Variants in USP11 observed in about 807,000 individuals in gnomAD.
USP11 encodes ubiquitin carboxyl-terminal hydrolase 11.
USP11 carries 5 observed loss-of-function variants against 72.8 expected under a neutral mutation model. The ratio of observed to expected loss-of-function variants is 0.07; its 90% CI spans 0.04 to 0.14. The LOEUF (loss-of-function observed/expected upper bound fraction) is 0.14, where lower values mean the gene tolerates loss of function less well. Ranked by LOEUF, USP11 falls within the 10% of genes least tolerant of loss-of-function variation. USP11 has a pLI of 1.00. For missense variants in USP11, 480 were observed against 794.7 expected (o/e 0.60, Z 4.76); for synonymous variants, 368 against 326.5 (o/e 1.13, Z -1.37).
intron 7 of USP11, 49 bp downstream of exon 7, chrX:47,240,925 A>G: frequency 3.5e-6 from 4 of 1,126,982 alleles, no homozygotes; most frequent in African/African-American, 1.8e-5. Flanking sequence ...TTGGGCTTCA[A>G]GAGCTGAGGA....
intron 1 of USP11, among the ~76,000 whole-genome samples, chrX:47,235,549 A>G (rs1418587370): frequency 1.8e-5 from 2 of 110,530 alleles, no homozygotes; most frequent in African/African-American, 3.3e-5. Context: ...GCAAGCCTTT[A>G]TGAAGCTGGT....
At chrX:47,238,796 C>T (rs2055387976) in intron 1 of USP11, among the ~76,000 whole-genome samples, 2 of 111,489 alleles carry the variant, frequency 1.8e-5, no homozygotes, top group Non-Finnish European at 3.8e-5. Flanking sequence ...TGTTTCCTAG[C>T]ACTATAAGTA....
chrX:47,233,294 C>G, intron 1 of USP11, 75 bp downstream of exon 1: 2 of 754,531 alleles, frequency 2.7e-6, no homozygotes, highest in Non-Finnish European at 3.1e-6. Context: ...ATTCGGCGGC[C>G]GAGGGCCGCG....
chrX:47,244,872 G>C lies in USP11; in HGVS notation c.2034G>C (p.Thr678=), dbSNP rs762951783. The C allele has an allele frequency of 3.3e-6, 4 of 1,211,845 alleles. No homozygotes were observed. The highest frequency in any genetic ancestry group is 4.5e-6 in the Non-Finnish European group (4 of 895,515). ...GCAAGCAGCTGTTCACCCTGCAGAC[G>C]GTGAACTCCAATGGGACCAGCGACC... ...RRRKQLFTLQ[T]VNSNGTSDRT... Residue 678 remains threonine, a synonymous_variant, in exon 15 of 21, where the codon ACG becomes ACC. Coordinates refer to ENST00000377107, the MANE Select transcript of USP11 (RefSeq NM_001371072.1).
At chrX:47,236,232 A>C (rs1405875516) in intron 1 of USP11, among the ~76,000 whole-genome samples, 2 of 112,304 alleles carry the variant, frequency 1.8e-5, no homozygotes, top group Admixed American at 1.9e-4. Flanking sequence ...TGTCATGGGT[A>C]TTATCATGAA....
At chrX:47,241,946 C>A in intron 9 of USP11, 136 bp from the exon 10 acceptor site, 1 of 759,445 alleles carries the variant, frequency 1.3e-6, no homozygotes, top group Non-Finnish European at 1.9e-6. Flanking sequence ...AACATAGTCT[C>A]TGTGTATCCC....
intron 13 of USP11, 21 bp from the exon 14 acceptor site, chrX:47,244,477 G>C (rs2055421242): frequency 8.3e-7 from 1 of 1,209,959 alleles, no homozygotes; most frequent in Non-Finnish European, 1.1e-6. Flanking sequence ...CGTCTTGGGA[G>C]TCTCCTCTGC....
At position 47,243,391 on chromosome X, in the gene USP11, C is replaced by G. The variant is rs746832469; in HGVS notation, c.1584-5C>G. ...TCAGGTGTGCCTGCTGTCCACCCCCCACAGCTATGAGGTGTCAGGTCGCAT... is the reference window on the plus strand; with the variant it reads ...TCAGGTGTGCCTGCTGTCCACCCCCGACAGCTATGAGGTGTCAGGTCGCAT... On this transcript the variant is annotated splice_polypyrimidine_tract_variant and splice_region_variant and intron_variant, in intron 12 of 20. Coordinates refer to ENST00000377107, the MANE Select transcript of USP11 (RefSeq NM_001371072.1). 6 of 1,211,968 alleles carry G rather than the reference C, an allele frequency of 5.0e-6. No individual in the cohort carries two copies. The highest frequency in any genetic ancestry group is 2.2e-5 in the Admixed American group (1 of 46,101).
In USP11 at chrX:47,247,311, G is replaced by A; in HGVS notation, c.2428G>A (p.Asp810Asn). 2.5e-6 allele frequency: 3 copies of A among 1,211,333 alleles called. No homozygotes were observed. The highest frequency in any genetic ancestry group is 3.4e-6 in the Non-Finnish European group (3 of 895,332). Residue 810 changes from aspartate to asparagine, a missense_variant, in exon 19 of 21, where the codon GAC becomes AAC. Coordinates refer to ENST00000377107, the MANE Select transcript of USP11 (RefSeq NM_001371072.1). The part of the protein sequence containing the change: ...TLVEFPIRDL[D>N]FSEFVIQPQN... Reference sequence around the variant, plus strand: ...CCCTCTCCCCACCCACAGGGACCTGGACTTCTCTGAGTTTGTCATCCAGCC... The same window carrying A: ...CCCTCTCCCCACCCACAGGGACCTGAACTTCTCTGAGTTTGTCATCCAGCC...
intron 1 of USP11, among the ~76,000 whole-genome samples, chrX:47,235,736 A>G (rs1038848701): frequency 9.0e-6 from 1 of 110,881 alleles, no homozygotes; most frequent in African/African-American, 3.3e-5. Context: ...CACCAGTGAA[A>G]TGTGTATCTC....
At chrX:47,244,588 T>C in intron 14 of USP11, 38 bp downstream of exon 14, 3 of 1,208,190 alleles carry the variant, frequency 2.5e-6, no homozygotes, top group Non-Finnish European at 3.4e-6. Flanking sequence ...GGGCTCTGGG[T>C]TAGGTCTGAC....
In USP11 at chrX:47,241,441, T is replaced by C. The variant is rs780379609; in HGVS notation, c.1011T>C (p.His337=). The C allele has an allele frequency of 5.0e-5, 60 of 1,204,534 alleles. No individual in the cohort carries two copies. Among genetic ancestry groups the C allele is most frequent in the Non-Finnish European group, 5.6e-6 (5 of 892,233 alleles). The change falls in exon 8 of 21, where the codon CAT becomes CAC. Residue 337 remains histidine (H), a synonymous_variant. Transcript: ENST00000377107. ...GCCACCACCGCTCCATTGTGCCACA[T>C]GTGTTCAAGGTGTGACTCAACCCTG... is the stretch of plus-strand genomic sequence containing the variant. ...WSGHHRSIVP[H]VFKNKVGHFA... is the part of the protein sequence containing the mutation.
chrX:47,234,579 A>G (rs1380243732), intron 1 of USP11, among the ~76,000 whole-genome samples: 2 of 112,049 alleles, frequency 1.8e-5, no homozygotes, highest in Non-Finnish European at 3.8e-5. Flanking sequence ...AAAAATTAGC[A>G]TATATAAATT....
chrX:47,247,050 C>A, intron 17 of USP11, 22 bp from the exon 18 acceptor site: 1 of 1,175,208 alleles, frequency 8.5e-7, no homozygotes, highest in Non-Finnish European at 1.1e-6. Context: ...AGTCCGTTTG[C>A]TGACTCGGGC....
rs774015697 is a variant in USP11, at chrX:47,242,079, C to T, written c.1180-3C>T. On this transcript the variant is annotated splice_region_variant and splice_polypyrimidine_tract_variant and intron_variant, in intron 9 of 20. Coordinates refer to ENST00000377107, the MANE Select transcript of USP11 (RefSeq NM_001371072.1). Reference sequence around the variant, plus strand: ...CCACCACCCACCATGACACTATCAACAGGAGGTGGCACAGGAGGCATGGCA... The same window carrying T: ...CCACCACCCACCATGACACTATCAATAGGAGGTGGCACAGGAGGCATGGCA... 2 of 1,208,206 alleles carry T rather than the reference C, an allele frequency of 1.7e-6. No homozygotes were observed. Among genetic ancestry groups the T allele is most frequent in the Non-Finnish European group, 2.2e-6 (2 of 893,837 alleles).
At chrX:47,242,949 G>A (rs1157141605) in intron 12 of USP11, among the ~76,000 whole-genome samples, 1 of 111,615 alleles carries the variant, frequency 9.0e-6, no homozygotes, top group Non-Finnish European at 1.9e-5. Context: ...CAGTCTGGGC[G>A]ACAGGGCAAA....
At chrX:47,236,602 C>T (rs1251437149) in intron 1 of USP11, among the ~76,000 whole-genome samples, 1 of 112,126 alleles carries the variant, frequency 8.9e-6, no homozygotes, top group Non-Finnish European at 1.9e-5. Context: ...GATGAACCAT[C>T]TTCAAACACA....
intron 1 of USP11, among the ~76,000 whole-genome samples, chrX:47,235,649 T>C (rs975954567): frequency 1.8e-5 from 2 of 110,122 alleles, no homozygotes; most frequent in African/African-American, 6.6e-5. Context: ...TATTGGACTC[T>C]TGCTGTTCCT....
intron 19 of USP11, 62 bp downstream of exon 19, chrX:47,247,481 C>T (rs2055440886): frequency 8.6e-7 from 1 of 1,169,197 alleles, no homozygotes; most frequent in African/African-American, 1.8e-5. Context: ...GCGATCAGGA[C>T]CTTCCCAGTG....
Sources: allele counts gnomAD v4.1 joint callset (sites outside exome capture counted in the v4.1 genomes callset), GRCh38; gene constraint gnomAD v4.1.1; transcripts MANE v1.5; gene names NCBI Gene and HGNC (gene_info 2026-07-23, HGNC 2026-07-21).